The following CELF2 variants were observed in gnomAD, a reference collection of about 807,000 sequenced individuals.
CELF2 encodes the protein CUGBP Elav-like family member 2, also known as CUG triplet repeat RNA-binding protein 2.
In CELF2, 8 loss-of-function variants were observed where a neutral mutation model predicts 62.6. The ratio of observed to expected loss-of-function variants is 0.13; its 90% CI spans 0.07 to 0.23. The LOEUF (loss-of-function observed/expected upper bound fraction) is 0.23, where lower values mean the gene tolerates loss of function less well. Among genes scored for constraint, CELF2 ranks in the 10% least tolerant of loss-of-function variants. The probability of loss-of-function intolerance (pLI) is 1.00; values close to 1 mark genes in which losing one functional copy is unlikely to be tolerated. For missense variants in CELF2, 333 were observed against 671.0 expected (o/e 0.50, Z 5.56); for synonymous variants, 258 against 250.0 (o/e 1.03, Z -0.30).
At chr10:11,327,587 T>A (rs1266964202) in intron 12 of CELF2, among the ~76,000 whole-genome samples, 1 of 152,184 alleles carries the variant, frequency 6.6e-6, no homozygotes, top group Non-Finnish European at 1.5e-5. Context: ...TTGTTATCCA[T>A]CTCACCTTTG....
chr10:10,620,669 G>A, the CELF2 span, among the ~76,000 whole-genome samples: 2 of 151,970 alleles, frequency 1.3e-5, no homozygotes, highest in African/African-American at 2.4e-5. Flanking sequence ...TTGGGAGGCC[G>A]AGGCAGGCGG....
chr10:10,696,553 T>C, the CELF2 span, among the ~76,000 whole-genome samples: 1 of 152,050 alleles, frequency 6.6e-6, no homozygotes, highest in Non-Finnish European at 1.5e-5. Flanking sequence ...TCCCTGCTGC[T>C]TTGTTTACCT....
At chr10:11,056,764 C>T (rs547933381) in intron 1 of CELF2, among the ~76,000 whole-genome samples, 1 of 152,272 alleles carries the variant, frequency 6.6e-6, no homozygotes, top group East Asian at 1.9e-4. Context: ...GAAGAAGATA[C>T]TAAGAGCCAG....
intron 1 of CELF2, among the ~76,000 whole-genome samples, chr10:10,894,922 C>T (rs2062429992): frequency 6.6e-6 from 1 of 152,160 alleles, no homozygotes; most frequent in Admixed American, 6.5e-5. Context: ...CATTGTTCCA[C>T]TTGTAGTCTC....
At chr10:11,275,365 G>A (rs2085647902) in intron 8 of CELF2, among the ~76,000 whole-genome samples, 2 of 152,156 alleles carry the variant, frequency 1.3e-5, no homozygotes, top group African/African-American at 2.4e-5. Context: ...AATCCTGATT[G>A]GCATCTATAT....
chr10:11,183,270 C>G (rs7078907), intron 2 of CELF2, among the ~76,000 whole-genome samples: 16,048 of 152,208 alleles, frequency 0.11, 967 homozygotes, highest in African/African-American at 0.16. Flanking sequence ...GATTCATCCC[C>G]GTCACTCATT....
In CELF2 at chr10:10,993,840, G is replaced by A. The variant is rs1313158438; in HGVS notation, c.89+73841G>A. On this transcript the variant is annotated intron_variant, in intron 2 of 13. Transcript: ENST00000636488. The surrounding 1 kb of genome is among the most constrained non-coding windows in gnomAD (Gnocchi z 5.3). Reference sequence around the variant, plus strand: ...ATTTGGAGATAGAACCTTTAAGGAAGTAATTAGAGTTAATGATGTCATAGG... The same window carrying A: ...ATTTGGAGATAGAACCTTTAAGGAAATAATTAGAGTTAATGATGTCATAGG... 6.6e-6 allele frequency among the ~76,000 whole-genome samples: 1 copy of A among 152,116 alleles called. No homozygotes were observed.
intron 1 of CELF2, among the ~76,000 whole-genome samples, chr10:11,163,549 T>C (rs774060609): frequency 3.9e-5 from 6 of 152,252 alleles, no homozygotes; most frequent in Non-Finnish European, 7.3e-5. Context: ...ACAATCTGGC[T>C]CTAATATAAA....
chr10:10,538,490 T>C, the CELF2 span, among the ~76,000 whole-genome samples: 5 of 152,112 alleles, frequency 3.3e-5, no homozygotes, highest in East Asian at 5.8e-4. Flanking sequence ...TCTGGTTAAA[T>C]CTCCTGCAGC....
chr10:11,247,639 A>G lies in CELF2; in HGVS notation c.355-1514A>G, dbSNP rs2076014944. The stretch of plus-strand genomic sequence containing the variant: ...CCACCCCTGCCACACTGAGCACCTG[A>G]AGGGAGGACCTTCTTCACTGGCCTT... On this transcript the variant is annotated intron_variant, in intron 3 of 12. Coordinates refer to ENST00000633077, the MANE Select transcript of CELF2 (RefSeq NM_001326342.2). The surrounding 1 kb of genome is among the most constrained non-coding windows in gnomAD (Gnocchi z 5.4). Among the ~76,000 whole-genome samples the G allele has an allele frequency of 1.3e-5, 2 of 149,838 alleles. No homozygotes were observed. Among genetic ancestry groups the G allele is most frequent in the Non-Finnish European group, 3.0e-5 (2 of 67,674 alleles).
the CELF2 span, among the ~76,000 whole-genome samples, chr10:10,617,333 T>C: frequency 6.6e-6 from 1 of 152,152 alleles, no homozygotes; most frequent in Non-Finnish European, 1.5e-5. Context: ...CAATACCACA[T>C]TGTGAACCCC....
chr10:10,757,057 G>T, the CELF2 span, among the ~76,000 whole-genome samples: 9 of 150,782 alleles, frequency 6.0e-5, no homozygotes, highest in Non-Finnish European at 1.3e-4. Context: ...CAGGAGAATT[G>T]CTTGAACCCT....
chr10:10,656,918 T>TAAAAAAAAA, the CELF2 span, among the ~76,000 whole-genome samples: 1 of 124,910 alleles, frequency 8.0e-6, no homozygotes, highest in Admixed American at 8.1e-5. Flanking sequence ...GTAGAATCAA[T>TAAAAAAAAA]AAAAAAAAAA....
At chr10:10,854,701 A>G (rs1477029577) in intron 1 of CELF2, among the ~76,000 whole-genome samples, 1 of 152,012 alleles carries the variant, frequency 6.6e-6, no homozygotes, top group Non-Finnish European at 1.5e-5. Context: ...GTCTTCCTCC[A>G]AATTCCAACT....
At chr10:10,992,814 G>A (rs1300394294) in intron 2 of CELF2, among the ~76,000 whole-genome samples, 4 of 152,248 alleles carry the variant, frequency 2.6e-5, no homozygotes, top group Non-Finnish European at 5.9e-5. Context: ...AGTTACGGCA[G>A]TAGGTTAAAC....
chr10:10,694,949 G>T, the CELF2 span, among the ~76,000 whole-genome samples: 1 of 150,620 alleles, frequency 6.6e-6, no homozygotes, highest in African/African-American at 2.5e-5. Context: ...ACACTGATGG[G>T]TCTTGACTCT....
rs2065675223 is a variant in CELF2, at chr10:11,223,922, A to G, written c.354+6415A>G. Among the ~76,000 whole-genome samples, 1 of 152,266 alleles carries G rather than the reference A, an allele frequency of 6.6e-6. No homozygotes were observed. The highest frequency in any genetic ancestry group is 2.4e-5 in the African/African-American group (1 of 41,474). ...ACAAATTGTCTATTTCACCCGCCAT[A>G]AAGTTTTACACACTACCTGAATAGC... On this transcript the variant is annotated intron_variant, in intron 3 of 12. Coordinates refer to ENST00000633077, the MANE Select transcript of CELF2 (RefSeq NM_001326342.2). This position sits in a 1 kb window ranked among gnomAD's most constrained non-coding sequence, Gnocchi z 5.1.
intron 1 of CELF2, among the ~76,000 whole-genome samples, chr10:11,148,695 C>T (rs1054874211): frequency 5.3e-5 from 8 of 152,174 alleles, no homozygotes; most frequent in Non-Finnish European, 8.8e-5. Context: ...TGCTTTCATA[C>T]ATAAGTGGTT....
intron 1 of CELF2, among the ~76,000 whole-genome samples, chr10:11,155,659 A>T (rs2064209353): frequency 6.6e-6 from 1 of 152,364 alleles, no homozygotes; most frequent in South Asian, 2.1e-4. Flanking sequence ...TGAATGTAAT[A>T]AATACATATC....
Sources: gnomAD v4.1 joint callset for allele counts (sites outside exome capture counted in the v4.1 genomes callset) on GRCh38, gnomAD v4.1.1 for gene constraint, Gnocchi (gnomAD v3.1) non-coding constraint, MANE v1.5 for transcripts, NCBI Gene and HGNC (gene_info 2026-07-23, HGNC 2026-07-21) for gene names.